The following NCAM2 variants were observed in gnomAD, a reference collection of about 807,000 sequenced individuals.
NCAM2 encodes the protein neural cell adhesion molecule 2.
In NCAM2, 30 loss-of-function variants were observed where a neutral mutation model predicts 98.1. That is an observed-to-expected ratio of 0.31 (90% CI 0.23 to 0.41). The LOEUF is 0.41. NCAM2 is among the 10% of genes least tolerant of loss of function. The pLI, the probability that NCAM2 is intolerant of heterozygous loss-of-function variation, is 1.00. For synonymous variants in NCAM2, 368 were observed against 342.4 expected (o/e 1.07, Z -0.83); for missense variants, 867 against 1,005.8 (o/e 0.86, Z 1.87).
At chr21:21,526,943 A>C (rs1033813683) in intron 16 of NCAM2, among the ~76,000 whole-genome samples, 3 of 152,194 alleles carry the variant, frequency 2.0e-5, no homozygotes, top group Non-Finnish European at 4.4e-5. Context: ...ATATCTAGCC[A>C]CAGACATTAT....
At position 21,194,487 on chromosome 21, in the gene NCAM2, G is replaced by A. The variant is rs181688616; in HGVS notation, c.56-86091G>A. Among the ~76,000 whole-genome samples the A allele has an allele frequency of 4.2e-3, 641 of 152,068 alleles. 9 individuals are homozygous for A. The highest frequency in any genetic ancestry group is 0.015 in the African/African-American group (607 of 41,516). ...TGGACACAAAATTTAACTAGTTCAAGGTAGTTTACACTAGTAAGGGGCAAA... is the reference window on the plus strand; with the variant it reads ...TGGACACAAAATTTAACTAGTTCAAAGTAGTTTACACTAGTAAGGGGCAAA... On this transcript the variant is annotated intron_variant, in intron 1 of 17. Transcript: ENST00000400546.
chr21:21,432,039 A>C, intron 11 of NCAM2, 69 bp from the exon 12 acceptor site: 1 of 1,429,090 alleles, frequency 7.0e-7, no homozygotes, highest in Non-Finnish European at 9.6e-7. Flanking sequence ...TTCTCATAAC[A>C]CCATAAGCCT....
intron 16 of NCAM2, among the ~76,000 whole-genome samples, chr21:21,524,511 C>A: frequency 7.0e-6 from 1 of 143,140 alleles, no homozygotes; most frequent in African/African-American, 2.6e-5. Context: ...GCCTATACAA[C>A]AAGAGCGAAA....
chr21:21,222,054 A>T (rs560229360), intron 1 of NCAM2, among the ~76,000 whole-genome samples: 8 of 152,282 alleles, frequency 5.3e-5, no homozygotes, highest in African/African-American at 1.7e-4. Flanking sequence ...CTGCCTGTGC[A>T]TGTAAGCAGA....
intron 1 of NCAM2, among the ~76,000 whole-genome samples, chr21:21,009,364 T>C (rs6417706): frequency 0.58 from 87,314 of 151,814 alleles, 25,692 homozygotes; most frequent in East Asian, 0.82. Context: ...AATAAAGTCA[T>C]AGTTATTATC....
At position 21,316,379 on chromosome 21, in the gene NCAM2, T is replaced by C. The variant is rs1182156920; in HGVS notation, c.620-8004T>C. Among the ~76,000 whole-genome samples the C allele has an allele frequency of 3.3e-5, 5 of 152,072 alleles. No homozygotes were observed. The East Asian group carries it at 9.6e-4, about 29-fold the overall frequency. ...GTGTGCTGCACCCATTAACTTACTT[T>C]AAAAACATGCAATAATAACTTGCCA... On this transcript the variant is annotated intron_variant, in intron 5 of 17. Transcript: ENST00000400546.
chr21:21,249,798 A>G (rs957444521), intron 1 of NCAM2, among the ~76,000 whole-genome samples: 1 of 152,292 alleles, frequency 6.6e-6, no homozygotes, highest in Non-Finnish European at 1.5e-5. Flanking sequence ...ATATGAATAA[A>G]CTGTTCATAG....
intron 1 of NCAM2, among the ~76,000 whole-genome samples, chr21:21,051,608 T>G (rs963693871): frequency 1.3e-5 from 2 of 152,240 alleles, no homozygotes; most frequent in Non-Finnish European, 2.9e-5. Flanking sequence ...GTGTTTTGAC[T>G]TAGCATTACA....
chr21:21,502,000 G>T (rs1224408205), intron 15 of NCAM2, among the ~76,000 whole-genome samples: 1 of 151,878 alleles, frequency 6.6e-6, no homozygotes, highest in Admixed American at 6.6e-5. Flanking sequence ...TTTTTAAAAA[G>T]TCTCTATCCC....
chr21:21,169,960 A>G (rs1457167179), intron 1 of NCAM2, among the ~76,000 whole-genome samples: 4 of 152,148 alleles, frequency 2.6e-5, no homozygotes, highest in African/African-American at 9.7e-5. Context: ...CCGTCTCAAA[A>G]AAATAAAATA....
intron 2 of NCAM2, 100 bp downstream of exon 2, chr21:21,280,752 A>G: frequency 1.4e-6 from 1 of 720,434 alleles, no homozygotes. Context: ...CAGTTCTCTA[A>G]CAATAACATC....
chr21:21,124,048 A>G (rs929541976), intron 1 of NCAM2, among the ~76,000 whole-genome samples: 4 of 143,716 alleles, frequency 2.8e-5, no homozygotes, highest in South Asian at 2.3e-4. Context: ...GGGTTTCACC[A>G]TGTTGGCCAG....
intron 16 of NCAM2, among the ~76,000 whole-genome samples, chr21:21,526,921 A>G (rs905949000): frequency 7.2e-5 from 11 of 152,312 alleles, no homozygotes; most frequent in Admixed American, 5.2e-4. Context: ...ACTGTAATCC[A>G]TAAGAAAAAA....
chr21:21,304,212 T>C (rs1413766401), intron 5 of NCAM2, among the ~76,000 whole-genome samples: 2 of 152,094 alleles, frequency 1.3e-5, no homozygotes. Context: ...TTTTCCCCAA[T>C]TCTTCTTTCT....
chr21:21,522,632 C>CTTTTTTTTTTTTTTTTTTTTTTTT (rs61635255), intron 16 of NCAM2, among the ~76,000 whole-genome samples: 14 of 124,736 alleles, frequency 1.1e-4, no homozygotes, highest in South Asian at 2.5e-4. Flanking sequence ...TTTTCTTTTT[C>CTTTTTTTTTTTTTTTTTTTTTTTT]TTTTTTTTTT....
At chr21:21,396,692 C>A (rs544069675) in intron 9 of NCAM2, among the ~76,000 whole-genome samples, 1 of 152,314 alleles carries the variant, frequency 6.6e-6, no homozygotes, top group South Asian at 2.1e-4. Flanking sequence ...CCACTCCATG[C>A]AAGGCTGAAC....
intron 1 of NCAM2, among the ~76,000 whole-genome samples, chr21:21,081,349 G>A (rs142481649): frequency 9.7e-4 from 147 of 152,142 alleles, no homozygotes; most frequent in African/African-American, 3.5e-3. Context: ...CCCTGATGCC[G>A]GCTGTCACCA....
intron 1 of NCAM2, among the ~76,000 whole-genome samples, chr21:21,178,727 T>A (rs1328527073): frequency 6.6e-6 from 1 of 151,818 alleles, no homozygotes; most frequent in Non-Finnish European, 1.5e-5. Context: ...CTATATTATT[T>A]TACAGAAGTA....
chr21:21,157,868 A>T (rs746648794), intron 1 of NCAM2, among the ~76,000 whole-genome samples: 79 of 152,094 alleles, frequency 5.2e-4, no homozygotes, highest in Non-Finnish European at 8.5e-4. Flanking sequence ...CTTTTTGGAA[A>T]GTTCTTTCTC....
Sources: gnomAD v4.1 joint callset for allele counts (sites outside exome capture counted in the v4.1 genomes callset) on GRCh38, gnomAD v4.1.1 for gene constraint, MANE v1.5 for transcripts, NCBI Gene and HGNC (gene_info 2026-07-23, HGNC 2026-07-21) for gene names.